Variants in SLC7A14 observed in about 807,000 individuals in gnomAD.
The protein encoded by SLC7A14 is gamma-aminobutyric acid transporter SLC7A14.
A neutral mutation model predicts 60.2 loss-of-function variants in SLC7A14; 37 were observed. That is an observed-to-expected ratio of 0.61 (90% CI 0.47 to 0.81). SLC7A14 has a LOEUF of 0.81. Among genes scored for constraint, SLC7A14 ranks in the 30% least tolerant of loss-of-function variants. The pLI is 0.00. For synonymous variants in SLC7A14, 399 were observed against 395.8 expected (o/e 1.01, Z -0.10); for missense variants, 886 against 982.7 (o/e 0.90, Z 1.32).
chr3:170,477,150 G>A (rs1252389434), intron 7 of SLC7A14, among the ~76,000 whole-genome samples: 3 of 152,212 alleles, frequency 2.0e-5, no homozygotes, highest in Admixed American at 1.3e-4. Context: ...AGGCACCCTG[G>A]TGGGGTAGTA....
At chr3:170,581,829 G>A (rs114402983) in intron 1 of SLC7A14, among the ~76,000 whole-genome samples, 1 of 152,202 alleles carries the variant, frequency 6.6e-6, no homozygotes, top group African/African-American at 2.4e-5. Context: ...GCTCTAGAGG[G>A]CCTCATAATG....
At chr3:170,551,921 C>A (rs2108305531) in intron 1 of SLC7A14, among the ~76,000 whole-genome samples, 1 of 152,222 alleles carries the variant, frequency 6.6e-6, no homozygotes. Context: ...TTGAAGTAGT[C>A]TAATTTATCT....
intron 2 of SLC7A14, among the ~76,000 whole-genome samples, chr3:170,521,053 G>T (rs1217627303): frequency 6.6e-6 from 1 of 152,194 alleles, no homozygotes; most frequent in African/African-American, 2.4e-5. Context: ...TTTAGGTTTG[G>T]CATGGCTATG....
In SLC7A14 at chr3:170,585,127, C is replaced by A. The variant is rs1475021150; in HGVS notation, c.-153+784G>T. On this transcript the variant is annotated intron_variant, in intron 1 of 7. Transcript: ENST00000231706. The surrounding 1 kb of genome is among the most constrained non-coding windows in gnomAD (Gnocchi z 5.1). ...GCGTGGCCACGCAGCCCTAACCTGG[C>A]CCTCTTGGATTAGAGGGGAGCTGAT... is the stretch of plus-strand genomic sequence containing the variant. Among the ~76,000 whole-genome samples the A allele has an allele frequency of 1.3e-5, 2 of 152,214 alleles. No homozygotes were observed. The highest frequency in any genetic ancestry group is 2.9e-5 in the Non-Finnish European group (2 of 68,026).
chr3:170,526,127 C>T (rs1242148347), intron 2 of SLC7A14, among the ~76,000 whole-genome samples: 1 of 149,536 alleles, frequency 6.7e-6, no homozygotes, highest in East Asian at 2.0e-4. Flanking sequence ...GAAGGCCAGG[C>T]GCGGTGGCTC....
chr3:170,550,465 C>T (rs145693339), intron 1 of SLC7A14, among the ~76,000 whole-genome samples: 4 of 142,440 alleles, frequency 2.8e-5, no homozygotes, highest in Non-Finnish European at 4.5e-5. Context: ...AAATGGTAAA[C>T]GACTCTTGTA....
At chr3:170,469,251 T>C (rs1739812428) in intron 7 of SLC7A14, among the ~76,000 whole-genome samples, 1 of 152,172 alleles carries the variant, frequency 6.6e-6, no homozygotes, top group Non-Finnish European at 1.5e-5. Flanking sequence ...TGAGAAATCT[T>C]GCTCTCTTTT....
At chr3:170,504,445 C>T (rs547899095) in intron 2 of SLC7A14, among the ~76,000 whole-genome samples, 2 of 152,136 alleles carry the variant, frequency 1.3e-5, no homozygotes, top group South Asian at 4.1e-4. Flanking sequence ...CTCAGCCTCC[C>T]AAGTAGCTAG....
intron 1 of SLC7A14, among the ~76,000 whole-genome samples, chr3:170,550,936 CA>C (rs1216662154): frequency 6.6e-6 from 1 of 152,100 alleles, no homozygotes; most frequent in East Asian, 1.9e-4. Flanking sequence ...GTATATATTT[CA>C]GTGTTTTTTT....
intron 2 of SLC7A14, among the ~76,000 whole-genome samples, chr3:170,511,036 T>A (rs530427764): frequency 6.6e-6 from 1 of 152,078 alleles, no homozygotes; most frequent in South Asian, 2.1e-4. Flanking sequence ...CAGAGAGTGG[T>A]TATGACAATG....
In SLC7A14 at chr3:170,585,696, A is replaced by C. The variant is rs1715366814; in HGVS notation, c.-153+215T>G. 6.6e-6 allele frequency among the ~76,000 whole-genome samples: 1 copy of C among 151,950 alleles called. No individual in the cohort carries two copies. Among genetic ancestry groups the C allele is most frequent in the South Asian group, 2.1e-4 (1 of 4,834 alleles). On this transcript the variant is annotated intron_variant, in intron 1 of 7. Coordinates refer to ENST00000231706, the MANE Select transcript of SLC7A14 (RefSeq NM_020949.3). This position sits in a 1 kb window ranked among gnomAD's most constrained non-coding sequence, Gnocchi z 5.1. Reference sequence around the variant, plus strand: ...TCGGGGCCTCATTCCGGGCCAGAGCAGGAAAGAGCCCGACCCACCTCCTCG... The same window carrying C: ...TCGGGGCCTCATTCCGGGCCAGAGCCGGAAAGAGCCCGACCCACCTCCTCG...
At chr3:170,582,746 A>G (rs1054797859) in intron 1 of SLC7A14, among the ~76,000 whole-genome samples, 3 of 152,236 alleles carry the variant, frequency 2.0e-5, no homozygotes, top group African/African-American at 7.2e-5. Flanking sequence ...GAGATGAGAG[A>G]GCAAAACAGT....
At position 170,489,475 on chromosome 3, in the gene SLC7A14, C is replaced by T. The variant is rs145962551; in HGVS notation, c.760-3107G>A. Among the ~76,000 whole-genome samples, 314 of 152,282 alleles carry T rather than the reference C, an allele frequency of 2.1e-3. 2 individuals carry two copies. The highest frequency in any genetic ancestry group is 7.1e-3 in the African/African-American group (294 of 41,560). On this transcript the variant is annotated intron_variant, in intron 4 of 7. Coordinates refer to ENST00000231706, the MANE Select transcript of SLC7A14 (RefSeq NM_020949.3). ...AAGGATGTGGAGAAAAGGGAACACT[C>T]GTACACTGTTTTTGGGAATGTAAAT...
intron 2 of SLC7A14, among the ~76,000 whole-genome samples, chr3:170,522,799 T>C (rs1456946477): frequency 6.6e-6 from 1 of 152,216 alleles, no homozygotes; most frequent in African/African-American, 2.4e-5. Flanking sequence ...TATGTAATTA[T>C]AACTCAATAA....
At position 170,526,896 on chromosome 3, in the gene SLC7A14, T is replaced by G. The variant is rs1290762999; in HGVS notation, c.41A>C (p.Gln14Pro). Residue 14 changes from glutamine (Q) to proline (P), a missense_variant, in exon 2 of 8, where the codon CAG becomes CCG. Physicochemically the swap from Gln to Pro is moderately conservative, Grantham distance 76. Transcript: ENST00000231706. ...CATTGCATACCAGGCAGCTCCCCAC[T>G]GCACCCGCCGGGGGTCCAGCGAGGT... ...FFTSLDPRRV[Q>P]WGAAWYAMHS... The G allele has an allele frequency of 6.2e-7, 1 of 1,613,592 alleles. No homozygotes were observed. Among genetic ancestry groups the G allele is most frequent in the Non-Finnish European group, 8.5e-7 (1 of 1,179,824 alleles).
At chr3:170,483,608 C>A in intron 5 of SLC7A14, 86 bp from the exon 6 acceptor site, 1 of 1,444,418 alleles carries the variant, frequency 6.9e-7, no homozygotes, top group Non-Finnish European at 9.7e-7. Context: ...AGAGCCCTGC[C>A]CCTGGAGGCA....
chr3:170,512,665 T>C (rs1713018826), intron 2 of SLC7A14, among the ~76,000 whole-genome samples: 1 of 125,124 alleles, frequency 8.0e-6, no homozygotes, highest in African/African-American at 2.9e-5. Flanking sequence ...TTTTTTTTTT[T>C]TTTTTTTTTT....
At chr3:170,483,223 G>T in intron 6 of SLC7A14, 91 bp downstream of exon 6, 1 of 1,457,106 alleles carries the variant, frequency 6.9e-7, no homozygotes, top group Non-Finnish European at 9.5e-7. Flanking sequence ...AGGCACTGAT[G>T]TCAAAATCAC....
At chr3:170,498,522 C>A (rs1004670931) in intron 4 of SLC7A14, 145 bp downstream of exon 4, 2 of 696,730 alleles carry the variant, frequency 2.9e-6, no homozygotes, top group Non-Finnish European at 4.7e-6. Context: ...GATATTCCAA[C>A]TAAATTAAGA....
Sources: allele counts gnomAD v4.1 joint callset (sites outside exome capture counted in the v4.1 genomes callset), GRCh38; gene constraint gnomAD v4.1.1; non-coding constraint Gnocchi (gnomAD v3.1); transcripts MANE v1.5; gene names NCBI Gene and HGNC (gene_info 2026-07-23, HGNC 2026-07-21).